The following NUP58 variants were observed in gnomAD, a reference collection of about 807,000 sequenced individuals.
NUP58 encodes the protein nucleoporin p58/p45.
A neutral mutation model predicts 70.1 loss-of-function variants in NUP58; 17 were observed. The observed-to-expected ratio is 0.24, with a 90% CI of 0.17 to 0.36. The LOEUF (loss-of-function observed/expected upper bound fraction) is 0.36, where lower values mean the gene tolerates loss of function less well. Ranked by LOEUF, NUP58 falls within the 10% of genes least tolerant of loss-of-function variation. The pLI is 1.00. For missense variants in NUP58, 644 were observed against 701.5 expected (o/e 0.92, Z 0.93); for synonymous variants, 275 against 257.6 (o/e 1.07, Z -0.65).
chr13:25,303,121 A>G (rs949252555), intron 1 of NUP58: 8 of 455,520 alleles, frequency 1.8e-5, no homozygotes, highest in African/African-American at 1.0e-4. Context: ...ACTCCAATCA[A>G]CTTCTTCAAT....
intron 3 of NUP58, chr13:25,310,133 C>G (rs1383675268): frequency 9.8e-6 from 2 of 203,816 alleles, no homozygotes; most frequent in East Asian, 3.2e-4. Context: ...ACCTCAAACT[C>G]TTGGGCTCAA....
chr13:25,318,579 G>A (rs375392817), intron 6 of NUP58, among the ~76,000 whole-genome samples: 2 of 152,036 alleles, frequency 1.3e-5, no homozygotes, highest in Non-Finnish European at 2.9e-5. Context: ...GAAAAATACC[G>A]TAAGAAAAGT....
chr13:25,327,135 A>C lies in NUP58; in HGVS notation c.1150+101A>C, dbSNP rs117139419. ...TGGATAACTACTGGTAGCCCCTTTA[A>C]GAAAATTTCCTTAAAAGTCATTTAC... On this transcript the variant is annotated intron_variant, in intron 11 of 15. Coordinates refer to ENST00000381736, the MANE Select transcript of NUP58 (RefSeq NM_014089.4). The C allele has an allele frequency of 3.3e-5, 22 of 663,720 alleles. No homozygotes were observed. The East Asian group carries it at 5.6e-4, about 17-fold the overall frequency. 41.1% of individuals were successfully genotyped at this position (663,720 alleles called of 1,614,324 possible). A position where few individuals can be genotyped will look rare whatever the true frequency, so the allele number is the denominator to read the frequency against.
At chr13:25,337,826 C>T (rs1288002551) in intron 14 of NUP58, among the ~76,000 whole-genome samples, 1 of 152,070 alleles carries the variant, frequency 6.6e-6, no homozygotes, top group African/African-American at 2.4e-5. Flanking sequence ...AATTTGCCAT[C>T]ACATTTCTTA....
intron 13 of NUP58, chr13:25,335,192 G>A (rs2031737906): frequency 1.6e-5 from 16 of 985,144 alleles, no homozygotes; most frequent in Non-Finnish European, 1.8e-5. Flanking sequence ...TATCTGATGT[G>A]CAATGGAAAG....
chr13:25,302,345 A>G (rs2030061239), intron 1 of NUP58, among the ~76,000 whole-genome samples: 1 of 152,194 alleles, frequency 6.6e-6, no homozygotes, highest in African/African-American at 2.4e-5. Flanking sequence ...GTGGTTTTTA[A>G]CCAGCTTTTC....
rs868013087 is a variant in NUP58, at chr13:25,320,609, A to G, written c.776+14A>G. On this transcript the variant is annotated intron_variant, in intron 8 of 15. Transcript: ENST00000381736. ...TGAAAATCTCCAGTAAGTGTCAAAT[A>G]TAATTAGATAAATAACACTTGAAGA... 4 of 1,550,002 alleles carry G rather than the reference A, an allele frequency of 2.6e-6. No individual in the cohort carries two copies. The African/African-American group carries it at 4.1e-5, about 16-fold the overall frequency.
In NUP58 at chr13:25,301,756, G is replaced by A; in HGVS notation, c.-18G>A. Reference sequence around the variant, plus strand: ...AGACCCATTTCGCCTTGCTGACGGCGTCGAGCCCTGGCCAGACATGTCCAC... The same window carrying A: ...AGACCCATTTCGCCTTGCTGACGGCATCGAGCCCTGGCCAGACATGTCCAC... On this transcript the variant is annotated 5_prime_UTR_variant, in exon 1 of 16. Coordinates refer to ENST00000381736, the MANE Select transcript of NUP58 (RefSeq NM_014089.4). 6.4e-7 allele frequency: 1 copy of A among 1,562,842 alleles called. No individual in the cohort carries two copies. Among genetic ancestry groups the A allele is most frequent in the Non-Finnish European group, 8.7e-7 (1 of 1,143,386 alleles).
At position 25,301,630 on chromosome 13, in the gene NUP58, T is replaced by C; in HGVS notation, c.-144T>C. 2.2e-6 allele frequency: 1 copy of C among 450,616 alleles called. No individual in the cohort carries two copies. Among genetic ancestry groups the C allele is most frequent in the Non-Finnish European group, 3.9e-6 (1 of 255,364 alleles). The allele number at this position is 450,616 out of a possible 1,614,324, so 27.9% of individuals were successfully genotyped here. A position where few individuals can be genotyped will look rare whatever the true frequency, so the allele number is the denominator to read the frequency against. Reference sequence around the variant, plus strand: ...CGTGGTTGCTCCACCCCCTCAGCCTTGCCTTCGCCGCCGTTGGGGCTGGAA... The same window carrying C: ...CGTGGTTGCTCCACCCCCTCAGCCTCGCCTTCGCCGCCGTTGGGGCTGGAA... On this transcript the variant is annotated 5_prime_UTR_variant, in exon 1 of 16. Transcript: ENST00000381736.
At chr13:25,318,373 C>T (rs1371068928) in intron 6 of NUP58, among the ~76,000 whole-genome samples, 1 of 151,974 alleles carries the variant, frequency 6.6e-6, no homozygotes, top group Non-Finnish European at 1.5e-5. Flanking sequence ...GCCCTGTTGC[C>T]CAGGCTGGTC....
intron 10 of NUP58, among the ~76,000 whole-genome samples, chr13:25,325,538 A>T (rs551818410): frequency 6.6e-6 from 1 of 152,314 alleles, no homozygotes; most frequent in Admixed American, 6.5e-5. Flanking sequence ...TTCCATGTTG[A>T]TGAAGATAAT....
chr13:25,312,122 G>A lies in NUP58; in HGVS notation c.287-761G>A, dbSNP rs1031729865. On this transcript the variant is annotated intron_variant, in intron 3 of 15. Coordinates refer to ENST00000381736, the MANE Select transcript of NUP58 (RefSeq NM_014089.4). The stretch of plus-strand genomic sequence containing the variant: ...AGGAATGGAACTCTAGGAAGTGTCA[G>A]TTAAGACATGAACAGAGGAAAGAGA... Among the ~76,000 whole-genome samples, 4 of 152,210 alleles carry A rather than the reference G, an allele frequency of 2.6e-5. 1 individual carries two copies. The highest frequency in any genetic ancestry group is 6.8e-3 in the Middle Eastern group (2 of 294).
intron 1 of NUP58, among the ~76,000 whole-genome samples, chr13:25,304,014 G>C (rs1481315350): frequency 6.6e-6 from 1 of 152,186 alleles, no homozygotes; most frequent in Non-Finnish European, 1.5e-5. Context: ...GTGCCACCTA[G>C]TGATTTGATG....
downstream of NUP58, among the ~76,000 whole-genome samples, chr13:25,342,931 A>T (rs886753680): frequency 2.0e-5 from 3 of 151,908 alleles, no homozygotes; most frequent in Non-Finnish European, 4.4e-5. Context: ...GTCTATATAG[A>T]TTTACTTTTT....
rs2031908034 is a variant in NUP58 at position 25,340,048 on chromosome 13, A to G, written c.1714A>G (p.Asn572Asp). The change falls in exon 16 of 16, where the codon AAT becomes GAT. Residue 572 changes from asparagine (N) to aspartate (D), a missense_variant. This residue lies in a region of NUP58 where 132 missense variants were observed against 203.9 expected (regional missense o/e 0.65). Transcript: ENST00000381736. ...AGCTGGTTTGACTTTTGGGGTGTCCAATCCTGCCTCTGCAGGTTTTGGAAC... is the reference window on the plus strand; with the variant it reads ...AGCTGGTTTGACTTTTGGGGTGTCCGATCCTGCCTCTGCAGGTTTTGGAAC... ...ASAGLTFGVS[N>D]PASAGFGTGG... 6.2e-7 allele frequency: 1 copy of G among 1,613,896 alleles called. No individual in the cohort carries two copies. Among genetic ancestry groups the G allele is most frequent in the Non-Finnish European group, 8.5e-7 (1 of 1,179,956 alleles).
intron 6 of NUP58, 63 bp downstream of exon 6, chr13:25,315,530 C>T (rs1467319486): frequency 2.6e-6 from 3 of 1,149,264 alleles, no homozygotes; most frequent in Admixed American, 2.0e-5. Context: ...CTAGGTTGCT[C>T]AAAATTCCTT....
At chr13:25,323,407 T>C (rs528491326) in intron 9 of NUP58, among the ~76,000 whole-genome samples, 28 of 151,664 alleles carry the variant, frequency 1.8e-4, no homozygotes, top group African/African-American at 6.5e-4. Flanking sequence ...TATTTCATGC[T>C]CACCAGGTCA....
At chr13:25,307,005 C>T (rs1025484130) in intron 1 of NUP58, among the ~76,000 whole-genome samples, 9 of 151,968 alleles carry the variant, frequency 5.9e-5, no homozygotes, top group African/African-American at 1.9e-4. Context: ...TATACTCTCC[C>T]CAACACCACA....
In NUP58 at chr13:25,307,811, C is replaced by G; in HGVS notation, c.113C>G (p.Pro38Arg). ...TTTTTGTTTCTTTAAATAAGCAACC[C>G]TTCTGTGGGGCTCAATTTTGGAAAT... ...FSFGTGASSNPSVGLNFGNLG... is the reference protein window; with the variant it reads ...FSFGTGASSNRSVGLNFGNLG... Residue 38 changes from proline to arginine, a missense_variant, in exon 2 of 16, where the codon CCT (proline) becomes CGT (arginine). Transcript: ENST00000381736. 6.2e-7 allele frequency: 1 copy of G among 1,613,982 alleles called. No homozygotes were observed. The highest frequency in any genetic ancestry group is 8.5e-7 in the Non-Finnish European group (1 of 1,179,962).
Sources: allele counts gnomAD v4.1 joint callset (sites outside exome capture counted in the v4.1 genomes callset), GRCh38; gene constraint gnomAD v4.1.1; regional missense constraint gnomAD v4.1.1; transcripts MANE v1.5; gene names NCBI Gene and HGNC (gene_info 2026-07-23, HGNC 2026-07-21).